The following SRGAP3 variants were observed in gnomAD, a reference collection of about 807,000 sequenced individuals.
SRGAP3 encodes SLIT-ROBO Rho GTPase-activating protein 3.
A neutral mutation model predicts 121.1 loss-of-function variants in SRGAP3; 39 were observed. That is an observed-to-expected ratio of 0.32 (90% CI 0.25 to 0.42). SRGAP3 has a LOEUF of 0.42. Ranked by LOEUF, SRGAP3 falls within the 10% of genes least tolerant of loss-of-function variation. The probability of loss-of-function intolerance (pLI) is 1.00; values close to 1 mark genes in which losing one functional copy is unlikely to be tolerated. For missense variants in SRGAP3, 1,213 were observed against 1,470.6 expected, an observed-to-expected ratio of 0.82 and a Z score of 2.86; for synonymous variants, 601 against 570.0, an observed-to-expected ratio of 1.05 and a Z score of -0.77.
chr3:9,098,211 T>C (rs1485527311), intron 3 of SRGAP3, among the ~76,000 whole-genome samples: 2 of 152,226 alleles, frequency 1.3e-5, no homozygotes, highest in African/African-American at 2.4e-5. Flanking sequence ...GCTTTCAGAC[T>C]GCACTGGAAG....
intron 3 of SRGAP3, among the ~76,000 whole-genome samples, chr3:9,279,726 G>A (rs145109073): frequency 0.032 from 4,854 of 151,982 alleles, 274 homozygotes; most frequent in African/African-American, 0.11. Flanking sequence ...TCTTGACCAA[G>A]CTGGTCTCAA....
chr3:9,042,689 G>T (rs2125125207), intron 10 of SRGAP3, among the ~76,000 whole-genome samples: 1 of 152,228 alleles, frequency 6.6e-6, no homozygotes, highest in South Asian at 2.1e-4. Context: ...GGAGTCAAGG[G>T]CAAATTCCTA....
At chr3:9,184,837 T>C (rs1476118578) in intron 1 of SRGAP3, among the ~76,000 whole-genome samples, 1 of 152,082 alleles carries the variant, frequency 6.6e-6, no homozygotes, top group Non-Finnish European at 1.5e-5. Context: ...TCCAGAACCA[T>C]CCCTTTCAGG....
At chr3:9,119,653 T>C (rs1948931364) in intron 2 of SRGAP3, among the ~76,000 whole-genome samples, 1 of 152,228 alleles carries the variant, frequency 6.6e-6, no homozygotes, top group Admixed American at 6.5e-5. Flanking sequence ...AAATAGCATC[T>C]GGGTGGGGAG....
chr3:9,148,675 C>T (rs919501702), intron 1 of SRGAP3, among the ~76,000 whole-genome samples: 4 of 152,102 alleles, frequency 2.6e-5, no homozygotes, highest in Non-Finnish European at 4.4e-5. Context: ...AAGCCTGGGA[C>T]GTGGGGCCTG....
intron 1 of SRGAP3, among the ~76,000 whole-genome samples, chr3:9,176,498 A>G (rs958998815): frequency 1.3e-5 from 2 of 152,210 alleles, no homozygotes; most frequent in Non-Finnish European, 2.9e-5. Flanking sequence ...TTTACCCACA[A>G]GTAATCATCC....
At chr3:9,205,220 A>C (rs1952222508) in intron 1 of SRGAP3, among the ~76,000 whole-genome samples, 1 of 152,260 alleles carries the variant, frequency 6.6e-6, no homozygotes, top group East Asian at 1.9e-4. Context: ...AAAAAGGGGT[A>C]AAATTAATGT....
chr3:9,111,720 G>C (rs412672), intron 2 of SRGAP3, among the ~76,000 whole-genome samples: 16,614 of 152,154 alleles, frequency 0.11, 1,120 homozygotes, highest in South Asian at 0.14. Flanking sequence ...TTTGACCTGA[G>C]ATCCAGCTCT....
chr3:9,308,371 T>C (rs933195065), intron 3 of SRGAP3, among the ~76,000 whole-genome samples: 10 of 152,080 alleles, frequency 6.6e-5, no homozygotes, highest in African/African-American at 2.4e-4. Context: ...GTGTGTAAAG[T>C]TTTCACTTTG....
chr3:9,258,214 G>A (rs1485120209), intron 3 of SRGAP3, among the ~76,000 whole-genome samples: 2 of 152,174 alleles, frequency 1.3e-5, no homozygotes, highest in Non-Finnish European at 2.9e-5. Context: ...AAACACAGAA[G>A]CGGTTTCTTG....
intron 1 of SRGAP3, among the ~76,000 whole-genome samples, chr3:9,341,083 T>C (rs1180304554): frequency 6.6e-6 from 1 of 152,202 alleles, no homozygotes; most frequent in Non-Finnish European, 1.5e-5. Flanking sequence ...AATCTTCCTC[T>C]TCTTATAAAG....
At chr3:9,004,014 AT>A in intron 18 of SRGAP3, among the ~76,000 whole-genome samples, 1 of 152,344 alleles carries the variant, frequency 6.6e-6, no homozygotes, top group South Asian at 2.1e-4. Context: ...ACTAAAAACT[AT>A]TTGACTGCAT....
chr3:9,266,952 C>A (rs1038828736), intron 3 of SRGAP3, among the ~76,000 whole-genome samples: 2 of 152,154 alleles, frequency 1.3e-5, no homozygotes, highest in Admixed American at 1.3e-4. Context: ...TTGGAAGACA[C>A]AGGAGGGAGA....
chr3:9,149,989 A>G (rs940189208), intron 1 of SRGAP3, among the ~76,000 whole-genome samples: 3 of 152,094 alleles, frequency 2.0e-5, no homozygotes, highest in Non-Finnish European at 4.4e-5. Flanking sequence ...CTGGGGAAAC[A>G]GTGGTGGGCA....
chr3:8,988,296 A>G (rs188129785), intron 21 of SRGAP3, among the ~76,000 whole-genome samples: 116 of 152,314 alleles, frequency 7.6e-4, no homozygotes, highest in African/African-American at 2.7e-3. Context: ...GGACATTTTG[A>G]GACCAAAGAA....
chr3:9,090,082 T>G (rs1481042335), intron 3 of SRGAP3, among the ~76,000 whole-genome samples: 2 of 152,086 alleles, frequency 1.3e-5, no homozygotes, highest in Non-Finnish European at 2.9e-5. Flanking sequence ...TTTTGCTTAT[T>G]TGAAAAAATA....
At chr3:9,106,676 T>C (rs2124919881) in intron 2 of SRGAP3, among the ~76,000 whole-genome samples, 1 of 152,280 alleles carries the variant, frequency 6.6e-6, no homozygotes, top group South Asian at 2.1e-4. Context: ...TGCTTCCTCC[T>C]CATTTTCTCT....
intron 3 of SRGAP3, chr3:9,293,337 AG>A (rs1954899527): frequency 6.6e-6 from 1 of 152,162 alleles, no homozygotes; most frequent in Non-Finnish European, 1.5e-5. Flanking sequence ...AGGCTGGTAA[AG>A]GGGAAATGTT....
chr3:9,241,045 G>A lies in SRGAP3; in HGVS notation c.67+7840C>T, dbSNP rs543661674. Among the ~76,000 whole-genome samples, 4 of 152,248 alleles carry A rather than the reference G, an allele frequency of 2.6e-5. No homozygotes were observed. In the East Asian group the frequency reaches 5.8e-4, roughly 22 times the overall value. On this transcript the variant is annotated intron_variant, in intron 1 of 21. Coordinates refer to ENST00000383836, the MANE Select transcript of SRGAP3 (RefSeq NM_014850.4). ...TTGCCTTGGCATGCATGTTGCTTTC[G>A]TGCACCCCGGAAAGTGAGGAAGATG...
Sources: allele counts gnomAD v4.1 joint callset (sites outside exome capture counted in the v4.1 genomes callset), GRCh38; gene constraint gnomAD v4.1.1; transcripts MANE v1.5; gene names NCBI Gene and HGNC (gene_info 2026-07-23, HGNC 2026-07-21).